Variants in CD72 observed in about 807,000 individuals in gnomAD.
CD72 encodes B-cell differentiation antigen CD72.
Under a neutral mutation model 50.7 loss-of-function variants are expected in CD72, and 28 were observed. The ratio of observed to expected loss-of-function variants is 0.55; its 90% CI spans 0.41 to 0.76. The LOEUF (loss-of-function observed/expected upper bound fraction) is 0.76. Ranked by LOEUF, CD72 falls within the 30% of genes least tolerant of loss-of-function variation. The probability of loss-of-function intolerance (pLI) is 0.00; values close to 1 mark genes in which losing one functional copy is unlikely to be tolerated. For synonymous variants in CD72, 176 were observed against 171.2 expected (o/e 1.03, Z -0.22); for missense variants, 403 against 420.6 (o/e 0.96, Z 0.37).
In CD72 at chr9:35,631,871, C is replaced by A. The variant is rs570129445; in HGVS notation, n.409-13750G>T. 3.9e-5 allele frequency among the ~76,000 whole-genome samples: 6 copies of A among 151,994 alleles called. No individual in the cohort carries two copies. In the South Asian group the frequency reaches 1.2e-3, roughly 32 times the overall value. On this transcript the variant is annotated intron_variant and non_coding_transcript_variant, in intron 1 of 3. Transcript: ENST00000465754. ...CCGAGCCACTGCACTCCAGCTTGGGCTACAGAGCCAGACTCCACTCAAAAT... is the reference window on the plus strand; with the variant it reads ...CCGAGCCACTGCACTCCAGCTTGGGATACAGAGCCAGACTCCACTCAAAAT...
chr9:35,631,346 AG>A (rs1310993219), intron 1 of CD72, among the ~76,000 whole-genome samples: 1 of 152,206 alleles, frequency 6.6e-6, no homozygotes, highest in Non-Finnish European at 1.5e-5. Context: ...AAAACTTCCA[AG>A]ATATGTCAAA....
chr9:35,620,029 G>C (rs1823130233), upstream of CD72, among the ~76,000 whole-genome samples: 1 of 150,160 alleles, frequency 6.7e-6, no homozygotes, highest in Non-Finnish European at 1.5e-5. Flanking sequence ...CTGAGAGTGA[G>C]TGGGAGGGTA....
intron 5 of CD72, among the ~76,000 whole-genome samples, chr9:35,613,934 G>C (rs1471894615): frequency 2.0e-5 from 3 of 152,032 alleles, no homozygotes; most frequent in African/African-American, 7.3e-5. Flanking sequence ...GAATCCAGGA[G>C]GCAGAGGTTG....
intron 1 of CD72, among the ~76,000 whole-genome samples, chr9:35,627,783 G>A (rs1029402313): frequency 6.6e-6 from 1 of 152,060 alleles, no homozygotes; most frequent in African/African-American, 2.4e-5. Flanking sequence ...ACAGCACTGG[G>A]GATTTTAGCT....
At chr9:35,615,908 A>G in intron 5 of CD72, 35 bp downstream of exon 5, 2 of 1,544,202 alleles carry the variant, frequency 1.3e-6, no homozygotes, top group South Asian at 1.1e-5. Context: ...GCTCCAATCC[A>G]TCCCTCCCTT....
At chr9:35,637,440 C>T (rs539667709) in intron 1 of CD72, among the ~76,000 whole-genome samples, 3 of 152,314 alleles carry the variant, frequency 2.0e-5, no homozygotes, top group Admixed American at 2.0e-4. Context: ...AACCTCGGGT[C>T]CTCAGACCAA....
At chr9:35,637,343 T>C (rs2131787968) in intron 1 of CD72, among the ~76,000 whole-genome samples, 1 of 152,326 alleles carries the variant, frequency 6.6e-6, no homozygotes, top group South Asian at 2.1e-4. Context: ...GTGCATGGCA[T>C]TTGGTGCTGA....
chr9:35,624,029 C>T (rs764423227), upstream of CD72, among the ~76,000 whole-genome samples: 5 of 151,408 alleles, frequency 3.3e-5, no homozygotes, highest in African/African-American at 7.3e-5. Flanking sequence ...CTGACCAACA[C>T]GATGAAACCC....
In CD72 at chr9:35,610,514, CG is replaced by C. The variant is rs540793020; in HGVS notation, c.*22+87del. On this transcript the variant is annotated intron_variant, in intron 8 of 8. Transcript: ENST00000259633. ...TTCATCCCAGGTACAAGTTTTCTCTCGGGCCCCTGGGCCCCTGCTCTGAGTC... is the reference window on the plus strand; with the variant it reads ...TTCATCCCAGGTACAAGTTTTCTCTCGGCCCCTGGGCCCCTGCTCTGAGTC... 488 of 871,778 alleles carry C rather than the reference CG, an allele frequency of 5.6e-4. 4 individuals are homozygous for C. The South Asian group carries it at 8.9e-3, about 16-fold the overall frequency. The allele number at this position is 871,778 out of a possible 1,614,324, so 54.0% of individuals were successfully genotyped here.
At chr9:35,630,356 A>G (rs1247162714) in intron 1 of CD72, among the ~76,000 whole-genome samples, 1 of 151,872 alleles carries the variant, frequency 6.6e-6, no homozygotes, top group Non-Finnish European at 1.5e-5. Flanking sequence ...GAATTTCTCT[A>G]TTTTTTCTCA....
intron 1 of CD72, among the ~76,000 whole-genome samples, chr9:35,644,470 C>A (rs1823369611): frequency 1.3e-5 from 2 of 149,146 alleles, no homozygotes; most frequent in Admixed American, 1.3e-4. Flanking sequence ...AGGAAGCCAA[C>A]TTTGGTTCCA....
upstream of CD72, chr9:35,618,527 G>A (rs778727354): frequency 4.7e-6 from 5 of 1,060,416 alleles, no homozygotes; most frequent in African/African-American, 7.8e-5. Flanking sequence ...GGCCAGAGGG[G>A]CCACGGAGGG....
chr9:35,627,481 T>C (rs965275816), intron 1 of CD72, among the ~76,000 whole-genome samples: 3 of 152,112 alleles, frequency 2.0e-5, no homozygotes, highest in Admixed American at 6.5e-5. Flanking sequence ...CTGTGATCGT[T>C]GCAGTGATCT....
At chr9:35,610,833 C>A in intron 7 of CD72, 80 bp from the exon 8 acceptor site, 1 of 1,200,608 alleles carries the variant, frequency 8.3e-7, no homozygotes, top group South Asian at 1.3e-5. Flanking sequence ...CTGTATAAAA[C>A]CTAAATCCTA....
rs919819000 is a variant in CD72 at position 35,617,265 on chromosome 9, C to T, written c.191-18G>A. The T allele has an allele frequency of 5.9e-6, 9 of 1,534,550 alleles. No homozygotes were observed. The African/African-American group carries it at 1.2e-4, about 21-fold the overall frequency. On this transcript the variant is annotated intron_variant, in intron 2 of 8. Transcript: ENST00000259633. ...CTTGACCGCTGTCGAGGGGAGCATC[C>T]AGTGTGAGACCGGAAGCCCCGAGTG... is the stretch of plus-strand genomic sequence containing the variant.
At chr9:35,639,000 G>C (rs1333652615) in intron 1 of CD72, among the ~76,000 whole-genome samples, 57 of 151,898 alleles carry the variant, frequency 3.8e-4, no homozygotes, top group Non-Finnish European at 8.8e-5. Flanking sequence ...CCTAGACCCA[G>C]AGGGGCCGGA....
In CD72 at chr9:35,627,666, G is replaced by A. The variant is rs367868755; in HGVS notation, n.409-9545C>T. Among the ~76,000 whole-genome samples, 98 of 152,240 alleles carry A rather than the reference G, an allele frequency of 6.4e-4. 2 individuals carry two copies. The highest frequency in any genetic ancestry group is 2.2e-3 in the African/African-American group (93 of 41,538). ...AATGAAGGTCTGGCTCACCCACTGG[G>A]CAAGTAATTCAGTCCAGCAAGAAGT... is the stretch of plus-strand genomic sequence containing the variant. On this transcript the variant is annotated intron_variant and non_coding_transcript_variant, in intron 1 of 3. Transcript: ENST00000465754.
chr9:35,621,718 G>T (rs1388675896), upstream of CD72, among the ~76,000 whole-genome samples: 2 of 152,196 alleles, frequency 1.3e-5, no homozygotes, highest in Non-Finnish European at 2.9e-5. Flanking sequence ...GGAAGAAAGA[G>T]ATTCGGTGAG....
At chr9:35,637,492 G>A (rs1009268569) in intron 1 of CD72, among the ~76,000 whole-genome samples, 13 of 152,056 alleles carry the variant, frequency 8.5e-5, no homozygotes, top group Non-Finnish European at 1.8e-4. Context: ...TTGGGTAAGC[G>A]GTCTTTTCAC....
Sources: allele counts gnomAD v4.1 joint callset (sites outside exome capture counted in the v4.1 genomes callset), GRCh38; gene constraint gnomAD v4.1.1; transcripts MANE v1.5; gene names NCBI Gene and HGNC (gene_info 2026-07-23, HGNC 2026-07-21).